The following SNRPD3 variants were observed in gnomAD, a reference collection of about 807,000 sequenced individuals.
SNRPD3 encodes small nuclear ribonucleoprotein Sm D3.
For missense variants in SNRPD3, 73 were observed against 167.5 expected (o/e 0.44, Z 3.11); for synonymous variants, 66 against 58.4 (o/e 1.13, Z -0.59).
chr22:24,574,597 A>G lies in SNRPD3; in HGVS notation c.*2620A>G, dbSNP rs556988991. 3.3e-5 allele frequency among the ~76,000 whole-genome samples: 5 copies of G among 152,224 alleles called. No individual in the cohort carries two copies. Among genetic ancestry groups the G allele is most frequent in the Middle Eastern group, 3.4e-3 (1 of 294 alleles). On this transcript the variant is annotated 3_prime_UTR_variant, in exon 4 of 4. Coordinates refer to ENST00000215829, the MANE Select transcript of SNRPD3 (RefSeq NM_004175.5). Reference sequence around the variant, plus strand: ...TCACTCTTCCCCAGGCGGGAGTGCAATGGCACAATCATGGCTCACTGCAGC... The same window carrying G: ...TCACTCTTCCCCAGGCGGGAGTGCAGTGGCACAATCATGGCTCACTGCAGC...
chr22:24,561,139 A>G (rs1249698226), intron 2 of SNRPD3, among the ~76,000 whole-genome samples: 2 of 132,522 alleles, frequency 1.5e-5, no homozygotes, highest in African/African-American at 3.0e-5. Context: ...TGGTTTGATC[A>G]TAGCTCATGG....
At chr22:24,563,025 A>G (rs931267657) in intron 2 of SNRPD3, among the ~76,000 whole-genome samples, 16 of 152,274 alleles carry the variant, frequency 1.1e-4, no homozygotes, top group Admixed American at 9.2e-4. Context: ...TGGTCCCTCA[A>G]GTAGTTTTAA....
chr22:24,561,064 C>CTTTTTTTTTTTTTTTTTTTTTTT (rs1164120857), intron 2 of SNRPD3, among the ~76,000 whole-genome samples: 26 of 61,690 alleles, frequency 4.2e-4, no homozygotes, highest in Non-Finnish European at 5.6e-4. Context: ...TTTTTCTTTT[C>CTTTTTTTTTTTTTTTTTTTTTTT]TTTTTTTTTT....
chr22:24,563,244 ATG>A (rs775068266), intron 2 of SNRPD3, among the ~76,000 whole-genome samples: 76,544 of 128,126 alleles, frequency 0.6, 20,973 homozygotes, highest in East Asian at 0.71. Flanking sequence ...GTGTGTGTGT[ATG>A]TGTGTATGTA....
chr22:24,558,999 C>T (rs1435137435), intron 2 of SNRPD3, among the ~76,000 whole-genome samples: 1 of 152,162 alleles, frequency 6.6e-6, no homozygotes, highest in African/African-American at 2.4e-5. Context: ...ATCCACACCC[C>T]CAGGACTTTT....
At chr22:24,566,086 T>G (rs564392234) in intron 2 of SNRPD3, among the ~76,000 whole-genome samples, 4 of 152,260 alleles carry the variant, frequency 2.6e-5, no homozygotes, top group African/African-American at 9.6e-5. Flanking sequence ...AGAAAAGGAT[T>G]GGTAAGGACT....
intron 2 of SNRPD3, among the ~76,000 whole-genome samples, chr22:24,563,983 A>G (rs2045172035): frequency 9.2e-6 from 1 of 109,262 alleles, no homozygotes. Flanking sequence ...CTAGCCCTCT[A>G]GGTTGAAGGA....
intron 2 of SNRPD3, among the ~76,000 whole-genome samples, chr22:24,567,486 C>A (rs1392334257): frequency 6.6e-6 from 1 of 152,112 alleles, no homozygotes; most frequent in Non-Finnish European, 1.5e-5. Flanking sequence ...GTGGCTCACA[C>A]CTGTAATCCC....
intron 1 of SNRPD3, among the ~76,000 whole-genome samples, chr22:24,556,567 T>C (rs944111586): frequency 6.6e-6 from 1 of 152,198 alleles, no homozygotes; most frequent in Non-Finnish European, 1.5e-5. Flanking sequence ...CAGGCAATGG[T>C]CCCCTCATGC....
intron 2 of SNRPD3, among the ~76,000 whole-genome samples, chr22:24,564,550 C>T (rs1330011415): frequency 7.2e-5 from 11 of 152,234 alleles, no homozygotes; most frequent in Admixed American, 6.5e-4. Context: ...GTTTTGTCCA[C>T]AGCAAGCTGT....
At position 24,574,283 on chromosome 22, in the gene SNRPD3, T is replaced by C. The variant is rs2045271467; in HGVS notation, c.*2306T>C. 6.6e-6 allele frequency among the ~76,000 whole-genome samples: 1 copy of C among 152,202 alleles called. No homozygotes were observed. Among genetic ancestry groups the C allele is most frequent in the Non-Finnish European group, 1.5e-5 (1 of 68,038 alleles). On this transcript the variant is annotated 3_prime_UTR_variant, in exon 4 of 4. Transcript: ENST00000215829. Reference sequence around the variant, plus strand: ...GAAACTGGCTATAACCCTACCTAGATCTGAAAAGTGAAGGGGGATCAACCT... The same window carrying C: ...GAAACTGGCTATAACCCTACCTAGACCTGAAAAGTGAAGGGGGATCAACCT...
chr22:24,561,070 T>C (rs959517249), intron 2 of SNRPD3, among the ~76,000 whole-genome samples: 12 of 124,498 alleles, frequency 9.6e-5, no homozygotes, highest in Admixed American at 3.2e-4. Context: ...TTTTCTTTTT[T>C]TTTTTTTTTT....
chr22:24,556,004 C>T lies in SNRPD3; in HGVS notation c.-86C>T. On this transcript the variant is annotated 5_prime_UTR_variant, in exon 1 of 4. Coordinates refer to ENST00000215829, the MANE Select transcript of SNRPD3 (RefSeq NM_004175.5). The stretch of plus-strand genomic sequence containing the variant: ...TTCTGGGTGTTAGGCCCGCCATTCG[C>T]TTGACTCACGCCTTCGCCGTAGCAT... 2 of 652,860 alleles carry T rather than the reference C, an allele frequency of 3.1e-6. No homozygotes were observed. The highest frequency in any genetic ancestry group is 5.2e-6 in the Non-Finnish European group (2 of 381,798). The allele number at this position is 652,860 out of a possible 1,614,324, so 40.4% of individuals were successfully genotyped here.
At chr22:24,563,262 A>ATG (rs1313736684) in intron 2 of SNRPD3, among the ~76,000 whole-genome samples, 11 of 147,000 alleles carry the variant, frequency 7.5e-5, no homozygotes, top group Admixed American at 1.4e-4. Flanking sequence ...ATGTATGTAT[A>ATG]TATGTATGTA....
At chr22:24,561,503 A>G (rs1569024847) in intron 2 of SNRPD3, among the ~76,000 whole-genome samples, 1 of 152,196 alleles carries the variant, frequency 6.6e-6, no homozygotes, top group African/African-American at 2.4e-5. Context: ...GGGTCTATCA[A>G]AACCTAGGCA....
In SNRPD3 at chr22:24,574,862, C is replaced by T. The variant is rs1169476676; in HGVS notation, c.*2885C>T. 6.6e-6 allele frequency among the ~76,000 whole-genome samples: 1 copy of T among 152,134 alleles called. No homozygotes were observed. The highest frequency in any genetic ancestry group is 2.4e-5 in the African/African-American group (1 of 41,430). ...ATTATCTTTTGAATCCTCTCTTCCT[C>T]CTGCCCACCATGAATTTACTTCCTC... On this transcript the variant is annotated 3_prime_UTR_variant, in exon 4 of 4. Coordinates refer to ENST00000215829, the MANE Select transcript of SNRPD3 (RefSeq NM_004175.5).
chr22:24,571,874 C>A (rs16978720), intron 3 of SNRPD3, 42 bp from the exon 4 acceptor site: 1 of 1,611,188 alleles, frequency 6.2e-7, no homozygotes, highest in Non-Finnish European at 8.5e-7. Context: ...GAGCATTCAC[C>A]GACCACACTG....
At chr22:24,558,148 T>G (rs1027976155) in intron 2 of SNRPD3, 1 of 167,586 alleles carries the variant, frequency 6.0e-6, no homozygotes, top group Non-Finnish European at 1.3e-5. Flanking sequence ...GCTTTGCGAT[T>G]AGCAGAATCT....
intron 3 of SNRPD3, 33 bp downstream of exon 3, chr22:24,568,209 T>C (rs368676721): frequency 6.4e-6 from 10 of 1,551,160 alleles, no homozygotes; most frequent in Admixed American, 3.6e-5. Context: ...TTTTAAAATA[T>C]AGGTTTGTCT....
Sources: allele counts gnomAD v4.1 joint callset (sites outside exome capture counted in the v4.1 genomes callset), GRCh38; gene constraint gnomAD v4.1.1; transcripts MANE v1.5; gene names NCBI Gene and HGNC (gene_info 2026-07-23, HGNC 2026-07-21).